Variants in KAZN observed in about 807,000 individuals in gnomAD.
KAZN encodes kazrin, periplakin interacting protein, also known as kazrin.
KAZN carries 40 observed loss-of-function variants against 87.4 expected under a neutral mutation model. The observed-to-expected ratio is 0.46, with a 90% CI of 0.36 to 0.60. The LOEUF is 0.60. Ranked by LOEUF, KAZN falls within the 20% of genes least tolerant of loss-of-function variation. The pLI, the probability that KAZN is intolerant of heterozygous loss-of-function variation, is 0.00. For missense variants in KAZN, 898 were observed against 1,073.9 expected (o/e 0.84, Z 2.29); for synonymous variants, 466 against 458.3 (o/e 1.02, Z -0.22).
At chr1:14,531,853 C>T (rs1325336316) in intron 2 of KAZN, among the ~76,000 whole-genome samples, 1 of 152,070 alleles carries the variant, frequency 6.6e-6, no homozygotes, top group Admixed American at 6.5e-5. Flanking sequence ...TTCCTTAAAG[C>T]ATTTTAGGCA....
intron 2 of KAZN, among the ~76,000 whole-genome samples, chr1:14,502,239 C>T (rs545717192): frequency 1.3e-5 from 2 of 152,186 alleles, no homozygotes; most frequent in South Asian, 2.1e-4. Context: ...CCAACCCCTT[C>T]GGGACTTTCC....
At position 14,720,119 on chromosome 1, in the gene KAZN, A is replaced by G. The variant is rs193194575; in HGVS notation, c.226+120896A>G. On this transcript the variant is annotated intron_variant, in intron 1 of 14. Transcript: ENST00000376030. ...GCAAATGAATGGGAGAGCAGAGCCC[A>G]GGCCTGGGATTCCGGAGCTTGTGCC... Among the ~76,000 whole-genome samples the G allele has an allele frequency of 1.8e-4, 28 of 152,348 alleles. 1 individual carries two copies. The highest frequency in any genetic ancestry group is 1.3e-3 in the Admixed American group (20 of 15,306).
intron 2 of KAZN, among the ~76,000 whole-genome samples, chr1:14,574,847 G>A (rs1253225521): frequency 6.6e-6 from 1 of 152,144 alleles, no homozygotes; most frequent in Non-Finnish European, 1.5e-5. Flanking sequence ...GTGGTGGAAG[G>A]GCGTCAGGGA....
At chr1:14,342,593 A>T (rs1409334949) in intron 2 of KAZN, among the ~76,000 whole-genome samples, 1 of 152,238 alleles carries the variant, frequency 6.6e-6, no homozygotes, top group African/African-American at 2.4e-5. Flanking sequence ...ATTGGCACTG[A>T]GTGCCGAACC....
At chr1:14,515,072 G>A (rs1238466741) in intron 2 of KAZN, among the ~76,000 whole-genome samples, 1 of 151,976 alleles carries the variant, frequency 6.6e-6, no homozygotes, top group Non-Finnish European at 1.5e-5. Context: ...CATGTACCCA[G>A]TTCTTCTAGA....
chr1:14,818,421 G>T (rs1199525778), intron 1 of KAZN, among the ~76,000 whole-genome samples: 1 of 152,228 alleles, frequency 6.6e-6, no homozygotes, highest in African/African-American at 2.4e-5. Context: ...GCGTTACCCA[G>T]GTGGGTGCCA....
chr1:14,324,096 TA>T (rs1557639899), intron 2 of KAZN, among the ~76,000 whole-genome samples: 1 of 152,208 alleles, frequency 6.6e-6, no homozygotes, highest in Non-Finnish European at 1.5e-5. Context: ...CCTGTTCGTC[TA>T]AATGTGTATG....
chr1:14,574,341 A>C (rs929524375), intron 2 of KAZN, among the ~76,000 whole-genome samples: 4 of 152,134 alleles, frequency 2.6e-5, no homozygotes, highest in African/African-American at 7.2e-5. Flanking sequence ...TGGTTTGGCT[A>C]TGTCCCCACG....
At chr1:14,815,428 A>T (rs1011046023) in intron 1 of KAZN, among the ~76,000 whole-genome samples, 3 of 152,118 alleles carry the variant, frequency 2.0e-5, no homozygotes, top group Non-Finnish European at 4.4e-5. Context: ...CCTGTGAACA[A>T]TGTTCTTGAT....
intron 1 of KAZN, among the ~76,000 whole-genome samples, chr1:14,933,938 C>T (rs1488227189): frequency 1.3e-5 from 2 of 151,798 alleles, no homozygotes; most frequent in Non-Finnish European, 2.9e-5. Context: ...AGCTCCGCCT[C>T]CCGGGTTCAC....
At position 14,615,047 on chromosome 1, in the gene KAZN, C is replaced by A. The variant is rs938242164; in HGVS notation, c.226+15824C>A. ...TGCAGAGCACAGTACTTGGCACTTG[C>A]CAATTCCCCTGTAAATGTCGTTAAC... On this transcript the variant is annotated intron_variant, in intron 1 of 14. Transcript: ENST00000376030. Among the ~76,000 whole-genome samples the A allele has an allele frequency of 4.6e-5, 7 of 152,354 alleles. No individual in the cohort carries two copies. The East Asian group carries it at 1.2e-3, about 25-fold the overall frequency.
chr1:14,853,645 A>G (rs1649728783), intron 1 of KAZN, among the ~76,000 whole-genome samples: 1 of 152,146 alleles, frequency 6.6e-6, no homozygotes, highest in Non-Finnish European at 1.5e-5. Flanking sequence ...AGTGCCCTTA[A>G]TCTGGTGCAT....
chr1:14,585,812 G>A (rs567398539), intron 2 of KAZN, among the ~76,000 whole-genome samples: 24 of 152,270 alleles, frequency 1.6e-4, no homozygotes, highest in East Asian at 1.4e-3. Context: ...CCAGCCCACC[G>A]CACCGATGTC....
intron 1 of KAZN, among the ~76,000 whole-genome samples, chr1:14,807,549 A>C (rs1422782307): frequency 6.6e-6 from 1 of 152,136 alleles, no homozygotes; most frequent in East Asian, 1.9e-4. Context: ...CGGGAGGATC[A>C]CTTGAGCCCA....
intron 2 of KAZN, among the ~76,000 whole-genome samples, chr1:14,197,965 CA>C (rs1423918781): frequency 6.6e-6 from 1 of 152,144 alleles, no homozygotes; most frequent in Non-Finnish European, 1.5e-5. Flanking sequence ...TGAATAAAGA[CA>C]TGTGTCCTCA....
At chr1:14,968,778 C>A (rs948680877) in intron 2 of KAZN, among the ~76,000 whole-genome samples, 1 of 152,172 alleles carries the variant, frequency 6.6e-6, no homozygotes, top group Admixed American at 6.5e-5. Flanking sequence ...GAAAGAAACA[C>A]AACTTTATTA....
At chr1:14,165,337 C>CT (rs899719716) in intron 1 of KAZN, among the ~76,000 whole-genome samples, 34 of 152,008 alleles carry the variant, frequency 2.2e-4, no homozygotes, top group African/African-American at 8.2e-4. Flanking sequence ...TACTCCACTC[C>CT]CTGCCTTAGC....
chr1:14,529,028 G>A (rs1019138905), intron 2 of KAZN, among the ~76,000 whole-genome samples: 1 of 152,086 alleles, frequency 6.6e-6, no homozygotes, highest in Non-Finnish European at 1.5e-5. Flanking sequence ...TTTCGGCCCG[G>A]CGCGGTGGCT....
At chr1:14,591,072 G>C (rs187744819) in intron 2 of KAZN, among the ~76,000 whole-genome samples, 1 of 152,258 alleles carries the variant, frequency 6.6e-6, no homozygotes, top group African/African-American at 2.4e-5. Flanking sequence ...GCAGATTTAG[G>C]AGAGTGTAGG....
Sources: gnomAD v4.1 joint callset for allele counts (sites outside exome capture counted in the v4.1 genomes callset) on GRCh38, gnomAD v4.1.1 for gene constraint, MANE v1.5 for transcripts, NCBI Gene and HGNC (gene_info 2026-07-23, HGNC 2026-07-21) for gene names.